The following ZDHHC7 variants were observed in gnomAD, a reference collection of about 807,000 sequenced individuals.
ZDHHC7 encodes palmitoyltransferase ZDHHC7.
Under a neutral mutation model 34.1 loss-of-function variants are expected in ZDHHC7, and 12 were observed. The ratio of observed to expected loss-of-function variants is 0.35; its 90% CI spans 0.23 to 0.57. The LOEUF is 0.57. Among genes scored for constraint, ZDHHC7 ranks in the 20% least tolerant of loss-of-function variants. ZDHHC7 has a pLI of 0.84. For synonymous variants in ZDHHC7, 185 were observed against 155.4 expected (o/e 1.19, Z -1.42); for missense variants, 388 against 402.7 (o/e 0.96, Z 0.31).
At chr16:84,998,179 G>A (rs1323567754) in intron 1 of ZDHHC7, among the ~76,000 whole-genome samples, 1 of 151,286 alleles carries the variant, frequency 6.6e-6, no homozygotes, top group Non-Finnish European at 1.5e-5. Context: ...CAGGAGAACG[G>A]CGCGAACCCG....
At chr16:84,985,486 T>C (rs2072424635) in intron 3 of ZDHHC7, among the ~76,000 whole-genome samples, 1 of 152,158 alleles carries the variant, frequency 6.6e-6, no homozygotes, top group South Asian at 2.1e-4. Flanking sequence ...CAAAACCCAG[T>C]ACAGGGATGT....
chr16:84,994,668 G>C (rs904974225), intron 2 of ZDHHC7, among the ~76,000 whole-genome samples: 1 of 152,192 alleles, frequency 6.6e-6, no homozygotes, highest in African/African-American at 2.4e-5. Context: ...GGCAGGCACA[G>C]CTGTGTAAGG....
intron 3 of ZDHHC7, among the ~76,000 whole-genome samples, chr16:84,988,534 C>T (rs1467261126): frequency 3.3e-5 from 5 of 152,230 alleles, no homozygotes; most frequent in Admixed American, 1.3e-4. Context: ...GCAGCACGCC[C>T]TGCACACACC....
chr16:84,988,657 G>T, intron 3 of ZDHHC7: 1 of 939,912 alleles, frequency 1.1e-6, no homozygotes, highest in Non-Finnish European at 1.6e-6. Context: ...TGTAGAGTCT[G>T]AGCGCAGAGG....
At chr16:85,002,567 C>T (rs991382085) in intron 1 of ZDHHC7, among the ~76,000 whole-genome samples, 1 of 152,220 alleles carries the variant, frequency 6.6e-6, no homozygotes, top group Non-Finnish European at 1.5e-5. Flanking sequence ...CAAGGAACGC[C>T]TGAGAAAGCA....
intron 1 of ZDHHC7, among the ~76,000 whole-genome samples, chr16:85,001,086 C>T (rs1028323452): frequency 6.6e-6 from 1 of 152,178 alleles, no homozygotes; most frequent in African/African-American, 2.4e-5. Context: ...AATGGAACCA[C>T]AGCCTGAATG....
chr16:84,984,746 G>A (rs1014448514), intron 3 of ZDHHC7, among the ~76,000 whole-genome samples: 1 of 152,118 alleles, frequency 6.6e-6, no homozygotes, highest in African/African-American at 2.4e-5. Context: ...AACTCTTCAC[G>A]GGCATGGTGT....
chr16:84,976,188 G>GTGAC lies in ZDHHC7; in HGVS notation c.*151_*154dup, dbSNP rs1252736343. On this transcript the variant is annotated 3_prime_UTR_variant, in exon 8 of 8. Transcript: ENST00000313732. ...CTGAGAGCCTCTTCCTCTGCCATCTGTGACTATAAATATATAAAACTCTGC... is the reference window on the plus strand; with the variant it reads ...CTGAGAGCCTCTTCCTCTGCCATCTGTGACTGACTATAAATATATAAAACTCTGC... The GTGAC allele has an allele frequency of 1.6e-5, 15 of 954,526 alleles. No individual in the cohort carries two copies. The highest frequency in any genetic ancestry group is 2.2e-5 in the Non-Finnish European group (14 of 644,108). 59.1% of individuals were successfully genotyped at this position (954,526 alleles called of 1,614,324 possible).
intron 1 of ZDHHC7, among the ~76,000 whole-genome samples, chr16:84,998,596 T>G (rs1470284487): frequency 6.6e-6 from 1 of 152,106 alleles, no homozygotes; most frequent in Non-Finnish European, 1.5e-5. Flanking sequence ...AGCCTCCACC[T>G]GGGCCCGCTC....
chr16:84,979,058 A>T, intron 5 of ZDHHC7, 131 bp downstream of exon 5: 2 of 849,232 alleles, frequency 2.4e-6, no homozygotes, highest in East Asian at 2.8e-5. Flanking sequence ...GCACAGTATT[A>T]TAATTTGAAT....
At chr16:85,004,081 C>T (rs926858218) in intron 1 of ZDHHC7, among the ~76,000 whole-genome samples, 10 of 152,056 alleles carry the variant, frequency 6.6e-5, no homozygotes, top group Middle Eastern at 3.2e-3. Flanking sequence ...TCCCTAAGGG[C>T]GTCTATCCAA....
the ZDHHC7 span, among the ~76,000 whole-genome samples, chr16:85,027,382 C>G: frequency 2.0e-5 from 3 of 152,162 alleles, no homozygotes; most frequent in African/African-American, 4.8e-5. Context: ...ACTGACACGG[C>G]TGTTTTAAAG....
At chr16:85,002,899 G>A (rs577194574) in intron 1 of ZDHHC7, among the ~76,000 whole-genome samples, 66 of 152,012 alleles carry the variant, frequency 4.3e-4, no homozygotes, top group Admixed American at 2.6e-3. Flanking sequence ...ACCGCAAAAT[G>A]GAAATGGGGT....
At chr16:85,027,469 C>A in the ZDHHC7 span, among the ~76,000 whole-genome samples, 1 of 152,152 alleles carries the variant, frequency 6.6e-6, no homozygotes, top group African/African-American at 2.4e-5. Context: ...TCCCATGCCC[C>A]CAACTAAATC....
At chr16:84,980,139 T>C (rs2072349157) in intron 4 of ZDHHC7, among the ~76,000 whole-genome samples, 1 of 151,394 alleles carries the variant, frequency 6.6e-6, no homozygotes, top group African/African-American at 2.4e-5. Context: ...TTTTTTTTTC[T>C]ATTTTTAGTA....
At chr16:85,010,192 T>C (rs1268779201) in intron 1 of ZDHHC7, among the ~76,000 whole-genome samples, 3 of 151,890 alleles carry the variant, frequency 2.0e-5, no homozygotes, top group Non-Finnish European at 2.9e-5. Context: ...GCTAATTTTT[T>C]AATTTTTTTG....
the ZDHHC7 span, among the ~76,000 whole-genome samples, chr16:85,023,964 T>C: frequency 1.3e-5 from 2 of 151,672 alleles, no homozygotes; most frequent in African/African-American, 2.4e-5. Flanking sequence ...GTCGCCCAGG[T>C]TGGAATGCAA....
At chr16:84,980,693 C>G (rs1347336214) in intron 4 of ZDHHC7, among the ~76,000 whole-genome samples, 1 of 152,104 alleles carries the variant, frequency 6.6e-6, no homozygotes, top group African/African-American at 2.4e-5. Context: ...AATTTATATA[C>G]CATAAAAGTT....
chr16:85,024,143 C>G, the ZDHHC7 span, among the ~76,000 whole-genome samples: 1 of 152,004 alleles, frequency 6.6e-6, no homozygotes, highest in African/African-American at 2.4e-5. Context: ...GTCTCAAACT[C>G]CTGACCTCAG....
Sources: allele counts gnomAD v4.1 joint callset (sites outside exome capture counted in the v4.1 genomes callset), GRCh38; gene constraint gnomAD v4.1.1; transcripts MANE v1.5; gene names NCBI Gene and HGNC (gene_info 2026-07-23, HGNC 2026-07-21).